Variants in PRIM2 observed in about 807,000 individuals in gnomAD.
PRIM2 encodes the protein DNA primase large subunit.
A neutral mutation model predicts 67.3 loss-of-function variants in PRIM2; 39 were observed. The ratio of observed to expected loss-of-function variants is 0.58; its 90% CI spans 0.45 to 0.76. The LOEUF (loss-of-function observed/expected upper bound fraction) is 0.76. PRIM2 is among the 30% of genes least tolerant of loss of function. The pLI, the probability that PRIM2 is intolerant of heterozygous loss-of-function variation, is 0.00. For synonymous variants in PRIM2, 143 were observed against 198.7 expected, an observed-to-expected ratio of 0.72 and a Z score of 2.36; for missense variants, 398 against 598.7, an observed-to-expected ratio of 0.66 and a Z score of 3.50.
chr6:57,232,495 G>A, the PRIM2 span, among the ~76,000 whole-genome samples: 122 of 152,316 alleles, frequency 8.0e-4, no homozygotes, highest in African/African-American at 2.8e-3. Context: ...GTTGCAGTGA[G>A]CTGAGATCGC....
At chr6:57,536,313 A>G (rs1775002235) in intron 9 of PRIM2, among the ~76,000 whole-genome samples, 1 of 152,238 alleles carries the variant, frequency 6.6e-6, no homozygotes. Context: ...TAAGTGAAAA[A>G]TTAAAGTAGG....
At chr6:57,430,443 C>CTT (rs1771780891) in intron 7 of PRIM2, among the ~76,000 whole-genome samples, 2 of 106,416 alleles carry the variant, frequency 1.9e-5, no homozygotes, top group African/African-American at 3.4e-5. Flanking sequence ...GAGTTTCTTT[C>CTT]TTTGTTTTTT....
chr6:57,473,561 A>G (rs1773390116), intron 7 of PRIM2, among the ~76,000 whole-genome samples: 2 of 152,264 alleles, frequency 1.3e-5, no homozygotes, highest in South Asian at 4.2e-4. Context: ...ACACAAGTCT[A>G]TTCAGTCCTT....
chr6:57,581,412 T>C (rs1238519593), intron 10 of PRIM2, among the ~76,000 whole-genome samples: 1 of 152,194 alleles, frequency 6.6e-6, no homozygotes, highest in African/African-American at 2.4e-5. Flanking sequence ...ACTTCCTAAG[T>C]GAAGGGTTGT....
At chr6:57,593,908 T>C (rs1289791262) in intron 10 of PRIM2, among the ~76,000 whole-genome samples, 6 of 152,234 alleles carry the variant, frequency 3.9e-5, no homozygotes, top group Non-Finnish European at 8.8e-5. Context: ...TTAATACTTT[T>C]AGCTTTTCTC....
intron 10 of PRIM2, among the ~76,000 whole-genome samples, chr6:57,571,430 G>A (rs1339839121): frequency 2.0e-5 from 3 of 152,102 alleles, no homozygotes; most frequent in South Asian, 2.1e-4. Flanking sequence ...TGGGCAGATC[G>A]CTTGAGGTCA....
chr6:57,451,871 T>C (rs1472621728), intron 7 of PRIM2, among the ~76,000 whole-genome samples: 8 of 152,074 alleles, frequency 5.3e-5, no homozygotes, highest in Non-Finnish European at 1.2e-4. Flanking sequence ...CATGTTGGTG[T>C]GCTGAACCCA....
At chr6:57,412,538 C>G (rs188183865) in intron 7 of PRIM2, among the ~76,000 whole-genome samples, 1 of 151,744 alleles carries the variant, frequency 6.6e-6, no homozygotes. Flanking sequence ...ATCTATACTA[C>G]TTCAGTTTGT....
At chr6:57,477,974 T>C (rs1773515212) in intron 7 of PRIM2, among the ~76,000 whole-genome samples, 1 of 152,178 alleles carries the variant, frequency 6.6e-6, no homozygotes, top group African/African-American at 2.4e-5. Context: ...AAAATATAAA[T>C]AAAAATAAAT....
At chr6:57,538,852 A>T (rs1775073841) in intron 10 of PRIM2, among the ~76,000 whole-genome samples, 1 of 152,028 alleles carries the variant, frequency 6.6e-6, no homozygotes, top group African/African-American at 2.4e-5. Flanking sequence ...TTATAAATAC[A>T]CTAGTCTTAC....
intron 7 of PRIM2, among the ~76,000 whole-genome samples, chr6:57,417,203 G>C (rs1394187297): frequency 1.5e-4 from 23 of 152,126 alleles, no homozygotes; most frequent in African/African-American, 5.6e-4. Context: ...CTGACCTCAG[G>C]TGATCCACCT....
At chr6:57,492,450 G>A (rs1409115513) in intron 7 of PRIM2, among the ~76,000 whole-genome samples, 1 of 151,858 alleles carries the variant, frequency 6.6e-6, no homozygotes, top group African/African-American at 2.4e-5. Flanking sequence ...GGCTGAGGCA[G>A]GAGAATTGCT....
the PRIM2 span, among the ~76,000 whole-genome samples, chr6:57,277,987 AAAAC>A: frequency 1.7e-4 from 25 of 151,276 alleles, no homozygotes; most frequent in African/African-American, 3.4e-4. Context: ...CTATCTCAGA[AAAAC>A]AAACAAACAA....
At position 57,330,114 on chromosome 6, in the gene PRIM2, T is replaced by C. The variant is rs115541461; in HGVS notation, c.459+4069T>C. ...TTTGGGAGGTATTCTTTTGTAATGA[T>C]ATTAAGTCTTCCAATCCATGAACAT... is the stretch of plus-strand genomic sequence containing the variant. On this transcript the variant is annotated intron_variant, in intron 5 of 13. Transcript: ENST00000615550. Among the ~76,000 whole-genome samples, 552 of 152,318 alleles carry C rather than the reference T, an allele frequency of 3.6e-3. 3 individuals carry two copies. The highest frequency in any genetic ancestry group is 0.013 in the African/African-American group (534 of 41,574).
At position 57,513,685 on chromosome 6, in the gene PRIM2, G is replaced by A. The variant is rs1172388512; in HGVS notation, c.761+6231G>A. ...GAGGCAGGCAGATCACTTGAGGCCA[G>A]GAGTTCAAGACCAGCCTGTCTCTAC... On this transcript the variant is annotated intron_variant, in intron 8 of 13. Transcript: ENST00000615550. Among the ~76,000 whole-genome samples the A allele has an allele frequency of 3.1e-3, 470 of 152,290 alleles. 7 individuals carry two copies. Among genetic ancestry groups the A allele is most frequent in the Admixed American group, 0.027 (419 of 15,292 alleles).
chr6:57,578,911 C>T (rs1413789586), intron 10 of PRIM2, among the ~76,000 whole-genome samples: 2 of 151,466 alleles, frequency 1.3e-5, no homozygotes, highest in East Asian at 3.9e-4. Context: ...CTCCTGACCT[C>T]GTGATCCGCC....
At chr6:57,353,302 A>G (rs1768916256) in intron 5 of PRIM2, among the ~76,000 whole-genome samples, 1 of 152,194 alleles carries the variant, frequency 6.6e-6, no homozygotes, top group African/African-American at 2.4e-5. Flanking sequence ...TTGGTTGATT[A>G]GTGTACATCA....
intron 13 of PRIM2, among the ~76,000 whole-genome samples, chr6:57,637,367 C>T (rs1431620585): frequency 6.6e-6 from 1 of 152,128 alleles, no homozygotes; most frequent in Non-Finnish European, 1.5e-5. Context: ...AGGATCACAA[C>T]TCCTCACCAG....
the PRIM2 span, among the ~76,000 whole-genome samples, chr6:57,276,925 AT>A: frequency 3.1e-4 from 47 of 149,546 alleles, no homozygotes; most frequent in African/African-American, 9.3e-4. Flanking sequence ...GAAATGTAAG[AT>A]TTTTTTTTTG....
Sources: allele counts gnomAD v4.1 joint callset (sites outside exome capture counted in the v4.1 genomes callset), GRCh38; gene constraint gnomAD v4.1.1; transcripts MANE v1.5; gene names NCBI Gene and HGNC (gene_info 2026-07-23, HGNC 2026-07-21).